The following TRIM24 variants were observed in gnomAD, a reference collection of about 807,000 sequenced individuals.
TRIM24 encodes the protein transcription intermediary factor 1-alpha.
A neutral mutation model predicts 123.9 loss-of-function variants in TRIM24; 29 were observed. The observed-to-expected ratio is 0.23, with a 90% CI of 0.17 to 0.32. The LOEUF is 0.32. Among genes scored for constraint, TRIM24 ranks in the 10% least tolerant of loss-of-function variants. The pLI is 1.00. For synonymous variants in TRIM24, 456 were observed against 461.1 expected, an observed-to-expected ratio of 0.99 and a Z score of 0.14; for missense variants, 932 against 1,295.3, an observed-to-expected ratio of 0.72 and a Z score of 4.31.
At chr7:138,583,634 G>T (rs1043656589) in intron 17 of TRIM24, among the ~76,000 whole-genome samples, 2 of 152,142 alleles carry the variant, frequency 1.3e-5, no homozygotes, top group Admixed American at 1.3e-4. Flanking sequence ...ATAATAATTG[G>T]TTAAACTTTT....
chr7:138,576,735 CTA>C (rs1563066775), intron 13 of TRIM24, among the ~76,000 whole-genome samples: 2 of 152,122 alleles, frequency 1.3e-5, no homozygotes, highest in African/African-American at 2.4e-5. Context: ...ACACAGTACA[CTA>C]TATAGAAACA....
chr7:138,585,047 G>T lies in TRIM24; in HGVS notation c.*96G>T, dbSNP rs1212002778. On this transcript the variant is annotated 3_prime_UTR_variant, in exon 19 of 19. Coordinates refer to ENST00000343526, the MANE Select transcript of TRIM24 (RefSeq NM_015905.3). ...AACATCACTACAAAAAGAAGAGTTT[G>T]TGACTATTCTCATCTCTGTTTTGGA... 3 of 1,076,794 alleles carry T rather than the reference G, an allele frequency of 2.8e-6. No individual in the cohort carries two copies. Among genetic ancestry groups the T allele is most frequent in the South Asian group, 1.8e-5 (1 of 56,928 alleles). The allele number at this position is 1,076,794 out of a possible 1,614,324, so 66.7% of individuals were successfully genotyped here.
chr7:138,483,264 A>G (rs1352436440), intron 1 of TRIM24, among the ~76,000 whole-genome samples: 3 of 152,128 alleles, frequency 2.0e-5, no homozygotes, highest in African/African-American at 7.2e-5. Context: ...TTTTTTCAAT[A>G]ACTTTGTTAA....
chr7:138,486,931 T>C (rs542254157), intron 1 of TRIM24, among the ~76,000 whole-genome samples: 36 of 152,348 alleles, frequency 2.4e-4, no homozygotes, highest in African/African-American at 8.2e-4. Context: ...CCTTGGGCAG[T>C]ATGGCCAATT....
intron 12 of TRIM24, 152 bp from the exon 13 acceptor site, chr7:138,576,221 A>G: frequency 1.4e-6 from 1 of 703,686 alleles, no homozygotes; most frequent in Non-Finnish European, 2.5e-6. Context: ...ACAGGCTGTA[A>G]CAGACTGCTG....
chr7:138,507,451 C>T (rs894087869), intron 2 of TRIM24, among the ~76,000 whole-genome samples: 14 of 150,850 alleles, frequency 9.3e-5, no homozygotes, highest in Non-Finnish European at 1.8e-4. Context: ...ACCTCAGTCT[C>T]CCAAGTAGCT....
intron 7 of TRIM24, among the ~76,000 whole-genome samples, chr7:138,545,785 A>G (rs1319109488): frequency 2.6e-5 from 4 of 152,222 alleles, no homozygotes; most frequent in Non-Finnish European, 4.4e-5. Flanking sequence ...TAATGGGGAC[A>G]TGTCAAAGGG....
At chr7:138,568,902 TATTCTA>T (rs2116666383) in intron 10 of TRIM24, among the ~76,000 whole-genome samples, 1 of 152,332 alleles carries the variant, frequency 6.6e-6, no homozygotes, top group African/African-American at 2.4e-5. Context: ...TTTAATATTT[TATTCTA>T]AAAGTATGTA....
intron 10 of TRIM24, among the ~76,000 whole-genome samples, chr7:138,570,251 A>G (rs1797625788): frequency 6.6e-6 from 1 of 152,080 alleles, no homozygotes; most frequent in South Asian, 2.1e-4. Context: ...CCAGCCCATC[A>G]TGTTTTTCAA....
intron 12 of TRIM24, among the ~76,000 whole-genome samples, 192 bp downstream of exon 12, chr7:138,573,834 G>A (rs144452938): frequency 1.7e-3 from 258 of 152,196 alleles, no homozygotes; most frequent in African/African-American, 5.3e-3. Flanking sequence ...TCACAGTCTC[G>A]CTCTGTTGCC....
At chr7:138,578,563 T>TGTGTGTGCGCGC (rs145011901) in intron 14 of TRIM24, among the ~76,000 whole-genome samples, 2,229 of 144,990 alleles carry the variant, frequency 0.015, 21 homozygotes, top group East Asian at 0.051. Flanking sequence ...TGTGTGTGTG[T>TGTGTGTGCGCGC]GCGCGCACGC....
chr7:138,523,750 CAAAAA>C (rs756103684), intron 4 of TRIM24, among the ~76,000 whole-genome samples: 1 of 57,232 alleles, frequency 1.7e-5, no homozygotes, highest in Non-Finnish European at 3.3e-5. Flanking sequence ...GACTCCGTCT[CAAAAA>C]AAAAAAAAAA....
intron 1 of TRIM24, 125 bp downstream of exon 1, chr7:138,461,037 C>T (rs1019504973): frequency 2.1e-5 from 20 of 963,746 alleles, no homozygotes; most frequent in Non-Finnish European, 2.8e-5. Context: ...GAGGGGCGAG[C>T]AGGAGGGTCT....
intron 9 of TRIM24, among the ~76,000 whole-genome samples, chr7:138,561,533 G>A (rs1008926696): frequency 1.3e-5 from 2 of 152,168 alleles, no homozygotes; most frequent in African/African-American, 2.4e-5. Context: ...ACCGAGTGCA[G>A]TACCTGGATG....
At chr7:138,507,395 T>A (rs1308736954) in intron 2 of TRIM24, among the ~76,000 whole-genome samples, 1 of 151,162 alleles carries the variant, frequency 6.6e-6, no homozygotes, top group Non-Finnish European at 1.5e-5. Flanking sequence ...AGTTTTGCTC[T>A]TGTTGCCCAG....
At chr7:138,557,496 A>C (rs578145643) in intron 9 of TRIM24, among the ~76,000 whole-genome samples, 2 of 152,228 alleles carry the variant, frequency 1.3e-5, no homozygotes, top group Non-Finnish European at 2.9e-5. Context: ...AGGGAGTATT[A>C]AGCAACCTCC....
intron 6 of TRIM24, among the ~76,000 whole-genome samples, chr7:138,537,333 GTTC>G (rs370273556): frequency 8.1e-6 from 1 of 122,876 alleles, no homozygotes; most frequent in East Asian, 2.7e-4. Flanking sequence ...GACTGGAGCT[GTTC>G]TTATTCGGCC....
At chr7:138,508,720 C>CGTGT (rs113425807) in intron 2 of TRIM24, among the ~76,000 whole-genome samples, 744 of 72,570 alleles carry the variant, frequency 0.01, 3 homozygotes, top group African/African-American at 0.03. Flanking sequence ...TGTGTGTGTG[C>CGTGT]GTGTGTGTGT....
intron 1 of TRIM24, 85 bp downstream of exon 1, chr7:138,460,997 T>A (rs1794951690): frequency 8.1e-7 from 1 of 1,228,736 alleles, no homozygotes; most frequent in Non-Finnish European, 1.1e-6. Flanking sequence ...CCCGCTGTCA[T>A]GTCGCCGCCG....
Sources: allele counts gnomAD v4.1 joint callset (sites outside exome capture counted in the v4.1 genomes callset), GRCh38; gene constraint gnomAD v4.1.1; transcripts MANE v1.5; gene names NCBI Gene and HGNC (gene_info 2026-07-23, HGNC 2026-07-21).